Variants in RNF220 observed in about 807,000 individuals in gnomAD.
RNF220 encodes E3 ubiquitin-protein ligase RNF220.
RNF220 carries 7 observed loss-of-function variants against 67.1 expected under a neutral mutation model. The ratio of observed to expected loss-of-function variants is 0.10; its 90% CI spans 0.06 to 0.20. RNF220 has a LOEUF of 0.20. RNF220 is among the 10% of genes least tolerant of loss of function. RNF220 has a pLI of 1.00. For missense variants in RNF220, 565 were observed against 740.3 expected (o/e 0.76, Z 2.75); for synonymous variants, 270 against 283.2 (o/e 0.95, Z 0.47).
chr1:44,489,839 T>G (rs1489618564), intron 2 of RNF220, among the ~76,000 whole-genome samples: 1 of 152,146 alleles, frequency 6.6e-6, no homozygotes, highest in Non-Finnish European at 1.5e-5. Context: ...GGGGAAAGGG[T>G]AGTCTTGAAT....
chr1:44,477,036 G>A (rs1655361343), intron 2 of RNF220, among the ~76,000 whole-genome samples: 1 of 152,084 alleles, frequency 6.6e-6, no homozygotes, highest in South Asian at 2.1e-4. Flanking sequence ...CAGCTCATTA[G>A]GAAGGGAACA....
intron 2 of RNF220, among the ~76,000 whole-genome samples, chr1:44,465,346 T>TA (rs1408670454): frequency 4.0e-5 from 6 of 151,292 alleles, no homozygotes; most frequent in African/African-American, 1.5e-4. Flanking sequence ...CTAGAAGCCA[T>TA]AAAAAAATTT....
chr1:44,483,648 A>G (rs1009123079), intron 2 of RNF220, among the ~76,000 whole-genome samples: 3 of 152,206 alleles, frequency 2.0e-5, no homozygotes, highest in South Asian at 2.1e-4. Context: ...GAGGTGTTCA[A>G]TGAAGATATG....
At chr1:44,501,177 G>A (rs1309053770) in intron 2 of RNF220, among the ~76,000 whole-genome samples, 6 of 143,552 alleles carry the variant, frequency 4.2e-5, no homozygotes, top group South Asian at 5.0e-4. Flanking sequence ...GGGGTGGGGA[G>A]AGCCCTTTGT....
chr1:44,457,402 A>G (rs1305914943), intron 2 of RNF220, among the ~76,000 whole-genome samples: 2 of 152,170 alleles, frequency 1.3e-5, no homozygotes, highest in African/African-American at 4.8e-5. Flanking sequence ...AGATTTCTCC[A>G]ATTAGAGAGG....
chr1:44,486,248 C>T (rs1305736602), intron 2 of RNF220, among the ~76,000 whole-genome samples: 5 of 151,984 alleles, frequency 3.3e-5, no homozygotes, highest in African/African-American at 9.7e-5. Flanking sequence ...GGCCTTTGGG[C>T]GACCTGTCCC....
chr1:44,630,004 CTT>C (rs1228493623), intron 5 of RNF220, among the ~76,000 whole-genome samples: 2 of 152,240 alleles, frequency 1.3e-5, no homozygotes, highest in African/African-American at 4.8e-5. Context: ...ATCCCTTGCT[CTT>C]TACACAAGGC....
intron 2 of RNF220, among the ~76,000 whole-genome samples, chr1:44,587,242 G>C (rs966176915): frequency 3.4e-5 from 5 of 149,064 alleles, no homozygotes; most frequent in African/African-American, 1.0e-4. Flanking sequence ...CTGCCTCCCA[G>C]GTTCAAGTCA....
intron 12 of RNF220, chr1:44,648,445 A>G (rs1189418173): frequency 6.6e-6 from 1 of 152,098 alleles, no homozygotes; most frequent in Non-Finnish European, 1.5e-5. Context: ...CATCTTTTCT[A>G]CTTTTCCAGG....
chr1:44,443,159 G>A (rs78142571), intron 2 of RNF220, among the ~76,000 whole-genome samples: 7,478 of 152,212 alleles, frequency 0.049, 236 homozygotes, highest in Middle Eastern at 0.11. Context: ...CTTGGATGTC[G>A]TGTGGGCACT....
intron 2 of RNF220, among the ~76,000 whole-genome samples, chr1:44,446,947 A>T (rs955234950): frequency 6.6e-6 from 1 of 152,238 alleles, no homozygotes; most frequent in African/African-American, 2.4e-5. Context: ...GCAGCGATGC[A>T]TAATTTCTGG....
At chr1:44,433,414 G>A (rs779600951) in intron 2 of RNF220, among the ~76,000 whole-genome samples, 6 of 152,084 alleles carry the variant, frequency 3.9e-5, no homozygotes, top group Non-Finnish European at 8.8e-5. Flanking sequence ...CTCCAACTCC[G>A]GTGACACAGC....
rs1372857934 is a variant in RNF220, at chr1:44,412,034, T to C, written c.-64T>C. 1.0e-5 allele frequency: 16 copies of C among 1,546,784 alleles called. No homozygotes were observed. The Admixed American group carries it at 3.0e-4, about 29-fold the overall frequency. On this transcript the variant is annotated 5_prime_UTR_variant, in exon 2 of 15. Coordinates refer to ENST00000361799, the MANE Select transcript of RNF220 (RefSeq NM_018150.4). The surrounding 1 kb of genome is among the most constrained non-coding windows in gnomAD (Gnocchi z 5.3). ...TATTCCCTGCCCTGACCCAAAGTGCTGGTTGGCCTCCCTCCCAGGGAAGAC... is the reference window on the plus strand; with the variant it reads ...TATTCCCTGCCCTGACCCAAAGTGCCGGTTGGCCTCCCTCCCAGGGAAGAC...
chr1:44,607,934 T>C (rs953360688), intron 2 of RNF220, among the ~76,000 whole-genome samples: 14 of 151,646 alleles, frequency 9.2e-5, no homozygotes, highest in African/African-American at 3.2e-4. Context: ...ACTTTTTTTT[T>C]TTTTTTTAAG....
chr1:44,464,847 T>A (rs1654125513), intron 2 of RNF220, among the ~76,000 whole-genome samples: 1 of 152,220 alleles, frequency 6.6e-6, no homozygotes, highest in Non-Finnish European at 1.5e-5. Flanking sequence ...TTGTCTCTGG[T>A]CTCATCCTTT....
rs979621825 is a variant in RNF220, at chr1:44,651,154, G to A, written c.*379G>A. 3.1e-5 allele frequency: 9 copies of A among 289,112 alleles called. No individual in the cohort carries two copies. Among genetic ancestry groups the A allele is most frequent in the Non-Finnish European group, 4.2e-5 (6 of 143,540 alleles). The allele number at this position is 289,112 out of a possible 1,614,324, so 17.9% of individuals were successfully genotyped here. A position where few individuals can be genotyped will look rare whatever the true frequency, so the allele number is the denominator to read the frequency against. On this transcript the variant is annotated 3_prime_UTR_variant, in exon 15 of 15. Transcript: ENST00000361799. ...GACTGAAGCACATGTAATATAGACC[G>A]TGTATGTTTACAATGTTGTGTATAA...
chr1:44,504,987 A>T (rs1658281847), intron 2 of RNF220, among the ~76,000 whole-genome samples: 1 of 152,116 alleles, frequency 6.6e-6, no homozygotes, highest in African/African-American at 2.4e-5. Context: ...GGGAAGAAAA[A>T]CTATCATGAA....
chr1:44,631,482 T>C lies in RNF220; in HGVS notation c.907-861T>C, dbSNP rs537467579. Among the ~76,000 whole-genome samples the C allele has an allele frequency of 2.1e-3, 326 of 152,048 alleles. 2 individuals carry two copies. Among genetic ancestry groups the C allele is most frequent in the Admixed American group, 3.6e-3 (55 of 15,300 alleles). On this transcript the variant is annotated intron_variant, in intron 5 of 14. Transcript: ENST00000361799. ...AGGAAGGCCTCTGTTTGGAGGATAC[T>C]GAGTTCCATGTTGGCCATGTTGGCC...
At chr1:44,562,267 G>A (rs982560102) in intron 2 of RNF220, among the ~76,000 whole-genome samples, 4 of 152,184 alleles carry the variant, frequency 2.6e-5, no homozygotes, top group Admixed American at 2.6e-4. Flanking sequence ...CATTTCACAA[G>A]GAGGGGAGAG....
Sources: gnomAD v4.1 joint callset for allele counts (sites outside exome capture counted in the v4.1 genomes callset) on GRCh38, gnomAD v4.1.1 for gene constraint, Gnocchi (gnomAD v3.1) non-coding constraint, MANE v1.5 for transcripts, NCBI Gene and HGNC (gene_info 2026-07-23, HGNC 2026-07-21) for gene names.